Variants in PCNX2 observed in about 807,000 individuals in gnomAD.
PCNX2 encodes pecanex-like protein 2.
Under a neutral mutation model 223.8 loss-of-function variants are expected in PCNX2, and 168 were observed. The ratio of observed to expected loss-of-function variants is 0.75; its 90% CI spans 0.66 to 0.85. PCNX2 has a LOEUF of 0.85. Ranked by LOEUF, PCNX2 falls within the 40% of genes least tolerant of loss-of-function variation. PCNX2 has a pLI of 0.00. For missense variants in PCNX2, 2,507 were observed against 2,675.5 expected, an observed-to-expected ratio of 0.94 and a Z score of 1.39; for synonymous variants, 1,006 against 1,052.6, an observed-to-expected ratio of 0.96 and a Z score of 0.86.
intron 22 of PCNX2, among the ~76,000 whole-genome samples, chr1:233,091,603 C>G (rs1673874006): frequency 1.3e-5 from 2 of 151,932 alleles, no homozygotes; most frequent in South Asian, 4.1e-4. Flanking sequence ...CATTGTGGTG[C>G]ACACCTGCAG....
intron 23 of PCNX2, among the ~76,000 whole-genome samples, chr1:233,062,851 G>A (rs1051590760): frequency 6.6e-6 from 1 of 152,170 alleles, no homozygotes; most frequent in Admixed American, 6.5e-5. Context: ...GCAATACTAT[G>A]AACAACTTTG....
intron 1 of PCNX2, among the ~76,000 whole-genome samples, chr1:233,272,189 A>G (rs1288343446): frequency 6.6e-6 from 1 of 152,180 alleles, no homozygotes; most frequent in Non-Finnish European, 1.5e-5. Flanking sequence ...AGAAACAATC[A>G]GCAGAGTAAA....
chr1:233,000,213 G>T lies in PCNX2; in HGVS notation c.5328+92C>A. On this transcript the variant is annotated intron_variant, in intron 30 of 33. Coordinates refer to ENST00000258229, the MANE Select transcript of PCNX2 (RefSeq NM_014801.4). The surrounding 1 kb of genome is among the most constrained non-coding windows in gnomAD (Gnocchi z 4.6). ...AGAGGATGCTGGCACAGAGACTCCT[G>T]TGTCAGTGCCCCCCTGCCCACCACC... 1 of 1,239,794 alleles carries T rather than the reference G, an allele frequency of 8.1e-7. No individual in the cohort carries two copies. Among genetic ancestry groups the T allele is most frequent in the Non-Finnish European group, 1.2e-6 (1 of 843,782 alleles). 76.8% of individuals were successfully genotyped at this position (1,239,794 alleles called of 1,614,324 possible).
chr1:233,290,662 G>T, intron 1 of PCNX2: 1 of 821,558 alleles, frequency 1.2e-6, no homozygotes, highest in Non-Finnish European at 1.5e-6. Context: ...CTTACTATTT[G>T]CCTAGTGCTA....
chr1:233,053,106 T>A (rs541961783), intron 25 of PCNX2, among the ~76,000 whole-genome samples: 1 of 152,068 alleles, frequency 6.6e-6, no homozygotes, highest in Admixed American at 6.5e-5. Context: ...GGGTCAACCA[T>A]TCCCTCCTCC....
At chr1:233,192,021 T>C (rs2102880059) in intron 15 of PCNX2, among the ~76,000 whole-genome samples, 1 of 152,330 alleles carries the variant, frequency 6.6e-6, no homozygotes, top group East Asian at 1.9e-4. Context: ...AAAAATCATC[T>C]CTGAACTAGT....
At position 233,025,325 on chromosome 1, in the gene PCNX2, T is replaced by TGCAGCA. The variant is rs762636109; in HGVS notation, c.4420_4425dup (p.Cys1474_Cys1475dup). The TGCAGCA allele has an allele frequency of 1.2e-6, 2 of 1,614,028 alleles. No individual in the cohort carries two copies. Among genetic ancestry groups the TGCAGCA allele is most frequent in the Non-Finnish European group, 8.5e-7 (1 of 1,179,904 alleles). ...AGCAGGTGAGGCAAGTGGCCTGGTTTGCAGCAGCAGCAGCCTCTGTCCTCC... is the reference window on the plus strand; with the variant it reads ...AGCAGGTGAGGCAAGTGGCCTGGTTTGCAGCAGCAGCAGCAGCAGCCTCTGTCCTCC... On this transcript the variant is annotated inframe_insertion, in exon 26 of 34. Transcript: ENST00000258229.
chr1:233,022,610 G>A (rs1288377370), intron 26 of PCNX2, among the ~76,000 whole-genome samples: 1 of 144,074 alleles, frequency 6.9e-6, no homozygotes, highest in East Asian at 2.0e-4. Context: ...GAGATGGGGG[G>A]GGAGTGGGAA....
At chr1:233,022,234 C>T (rs961575601) in intron 26 of PCNX2, among the ~76,000 whole-genome samples, 63 of 152,090 alleles carry the variant, frequency 4.1e-4, no homozygotes, top group Admixed American at 2.3e-3. Context: ...ACTGTATGGC[C>T]CAGACTCCAA....
chr1:233,307,580 C>T, the PCNX2 span, among the ~76,000 whole-genome samples: 1 of 152,120 alleles, frequency 6.6e-6, no homozygotes, highest in African/African-American at 2.4e-5. Context: ...TTTACAGCAA[C>T]ACAAAAAGAC....
intron 21 of PCNX2, among the ~76,000 whole-genome samples, chr1:233,128,242 A>C (rs187296713): frequency 6.6e-6 from 1 of 152,168 alleles, no homozygotes; most frequent in East Asian, 1.9e-4. Flanking sequence ...TGCTGGCAGA[A>C]TGATCCTATG....
chr1:233,299,623 A>G (rs1018499285), upstream of PCNX2, among the ~76,000 whole-genome samples: 37 of 152,220 alleles, frequency 2.4e-4, no homozygotes, highest in African/African-American at 8.9e-4. Flanking sequence ...GTCTGGAAAG[A>G]GCTGAAGCCT....
At chr1:233,222,901 G>A (rs1285116519) in intron 10 of PCNX2, among the ~76,000 whole-genome samples, 2 of 152,170 alleles carry the variant, frequency 1.3e-5, no homozygotes, top group Non-Finnish European at 2.9e-5. Flanking sequence ...TGTCAATTTG[G>A]TAGTTAGATA....
Position 233,258,066 on chromosome 1 carries a change from C to A in PCNX2, c.1796G>T (p.Gly599Val). 1 of 1,613,932 alleles carries A rather than the reference C, an allele frequency of 6.2e-7. No homozygotes were observed. The highest frequency in any genetic ancestry group is 2.2e-5 in the East Asian group (1 of 44,864). Residue 599 changes from glycine to valine, a missense_variant, in exon 5 of 34, where the codon GGC becomes GTC. By Grantham distance (109) the Gly-to-Val change is moderately radical. This residue lies in a region of PCNX2 where 1,031 missense variants were observed against 1,021.7 expected (regional missense o/e 1.01). Coordinates refer to ENST00000258229, the MANE Select transcript of PCNX2 (RefSeq NM_014801.4). ...ACTTTCTTCATTCTGCTCAGCTGAG[C>A]CATTCAGTTGACTGGATGCCGTCAT... is the stretch of plus-strand genomic sequence containing the variant. ...SKMTASSQLNGSAEQNEESGL... is the reference protein window; with the variant it reads ...SKMTASSQLNVSAEQNEESGL...
chr1:233,162,942 T>C (rs1678579573), intron 17 of PCNX2, among the ~76,000 whole-genome samples: 1 of 152,090 alleles, frequency 6.6e-6, no homozygotes, highest in African/African-American at 2.4e-5. Flanking sequence ...GAAGGCTGCA[T>C]TTCTAAGTTT....
chr1:232,999,353 A>C lies in PCNX2; in HGVS notation c.5355T>G (p.Leu1785=). 6.3e-7 allele frequency: 1 copy of C among 1,597,378 alleles called. No homozygotes were observed. The highest frequency in any genetic ancestry group is 8.5e-7 in the Non-Finnish European group (1 of 1,172,082). The change falls in exon 31 of 34, where the codon CTT becomes CTG. Residue 1785 remains leucine (L), a synonymous_variant. Transcript: ENST00000258229. ...IKVNKECVRG[L]WAGQQQELIF... is the part of the protein sequence containing the mutation. ...TAAGCTCCTGCTGCTGCCCGGCCCAAAGTCCTCGGACGCATTCTTTGTTAA... is the reference window on the plus strand; with the variant it reads ...TAAGCTCCTGCTGCTGCCCGGCCCACAGTCCTCGGACGCATTCTTTGTTAA...
rs528440804 is a variant in PCNX2 at position 233,025,122 on chromosome 1, G to C, written c.4605+24C>G. 6 of 1,612,436 alleles carry C rather than the reference G, an allele frequency of 3.7e-6. No homozygotes were observed. The South Asian group carries it at 5.5e-5, about 15-fold the overall frequency. Reference sequence around the variant, plus strand: ...GTGCCATCCTAGCATTTCTGCCTTAGGTGTTTGGGAAACAGAGCAATACCT... The same window carrying C: ...GTGCCATCCTAGCATTTCTGCCTTACGTGTTTGGGAAACAGAGCAATACCT... On this transcript the variant is annotated intron_variant, in intron 26 of 33. Transcript: ENST00000258229.
intron 1 of PCNX2, among the ~76,000 whole-genome samples, chr1:233,292,758 G>A (rs1661845524): frequency 6.6e-6 from 1 of 152,060 alleles, no homozygotes; most frequent in Non-Finnish European, 1.5e-5. Flanking sequence ...TTATTTCAAG[G>A]GCACTTTCAG....
chr1:233,322,863 C>A, the PCNX2 span, among the ~76,000 whole-genome samples: 2 of 151,952 alleles, frequency 1.3e-5, no homozygotes, highest in Non-Finnish European at 2.9e-5. Flanking sequence ...TTCCAAAATA[C>A]GATTTCCTCT....
Sources: gnomAD v4.1 joint callset for allele counts (sites outside exome capture counted in the v4.1 genomes callset) on GRCh38, gnomAD v4.1.1 for gene constraint, gnomAD v4.1.1 regional missense constraint, Gnocchi (gnomAD v3.1) non-coding constraint, MANE v1.5 for transcripts, NCBI Gene and HGNC (gene_info 2026-07-23, HGNC 2026-07-21) for gene names.